Variants in HEYL observed in about 807,000 individuals in gnomAD.
HEYL encodes the protein hairy/enhancer-of-split related with YRPW motif-like protein.
In HEYL, 12 loss-of-function variants were observed where a neutral mutation model predicts 18.6. The ratio of observed to expected loss-of-function variants is 0.65; its 90% CI spans 0.41 to 1.05. HEYL has a LOEUF of 1.05. HEYL is among the 50% of genes least tolerant of loss of function. HEYL has a pLI of 0.00. For synonymous variants in HEYL, 159 were observed against 179.6 expected (o/e 0.89, Z 0.91); for missense variants, 420 against 444.7 (o/e 0.94, Z 0.50).
In HEYL at chr1:39,638,524, G is replaced by A. The variant is rs572788648; in HGVS notation, c.80+1022C>T. ...GTTCTAGAGAGTCAAGTCTAGATGA[G>A]CCAAGAGAGATGAAGTATATCCCTT... On this transcript the variant is annotated intron_variant, in intron 1 of 4. Coordinates refer to ENST00000372852, the MANE Select transcript of HEYL (RefSeq NM_014571.4). Among the ~76,000 whole-genome samples the A allele has an allele frequency of 5.0e-4, 76 of 152,340 alleles. 1 individual carries two copies. Among genetic ancestry groups the A allele is most frequent in the South Asian group, 1.4e-3 (7 of 4,828 alleles).
intron 1 of HEYL, among the ~76,000 whole-genome samples, chr1:39,635,553 A>G (rs1260294488): frequency 1.3e-5 from 2 of 152,010 alleles, no homozygotes; most frequent in East Asian, 3.9e-4. Flanking sequence ...CCCATATCTC[A>G]GAGGCAAACC....
rs1436143812 is a variant in HEYL, at chr1:39,626,747, G to T, written c.747C>A (p.Arg249=). ...SRGASSTRRA[R]PLERPATPVP... is the part of the protein sequence containing the mutation. The stretch of plus-strand genomic sequence containing the variant: ...CAGGGGTCGCTGGCCTCTCTAGGGG[G>T]CGGGCCCTCCGGGTGGAAGATGCCC... Residue 249 remains arginine (R), a synonymous_variant, in exon 5 of 5, where the codon CGC becomes CGA. Coordinates refer to ENST00000372852, the MANE Select transcript of HEYL (RefSeq NM_014571.4). 3 of 1,526,644 alleles carry T rather than the reference G, an allele frequency of 2.0e-6. No individual in the cohort carries two copies. Among genetic ancestry groups the T allele is most frequent in the African/African-American group, 2.7e-5 (2 of 73,012 alleles). 94.6% of individuals were successfully genotyped at this position (1,526,644 alleles called of 1,614,324 possible).
intron 1 of HEYL, among the ~76,000 whole-genome samples, chr1:39,637,266 T>C (rs1646366106): frequency 6.6e-6 from 1 of 152,242 alleles, no homozygotes; most frequent in Admixed American, 6.5e-5. Context: ...GTTTCACAGA[T>C]GTGGCAGGAC....
intron 4 of HEYL, 46 bp downstream of exon 4, chr1:39,630,181 A>G: frequency 6.4e-7 from 1 of 1,554,134 alleles, no homozygotes. Flanking sequence ...CCAGCCTCAA[A>G]ATATTTGTTG....
At position 39,626,623 on chromosome 1, in the gene HEYL, C is replaced by T; in HGVS notation, c.871G>A (p.Ala291Thr). The T allele has an allele frequency of 6.5e-7, 1 of 1,549,246 alleles. No homozygotes were observed. Among genetic ancestry groups the T allele is most frequent in the Non-Finnish European group, 8.7e-7 (1 of 1,149,820 alleles). Residue 291 changes from alanine (A) to threonine (T), a missense_variant, in exon 5 of 5, where the codon GCT becomes ACT. By Grantham distance (58) the Ala-to-Thr change is moderately conservative. Coordinates refer to ENST00000372852, the MANE Select transcript of HEYL (RefSeq NM_014571.4). ...TTGGGGGTGGGAACAGCCACGTAAG[C>T]AGCCGACCCTGTAGGACCAGGGGGT... ...PTPPGPTGSAAYVAVPTPNSS... is the reference protein window; with the variant it reads ...PTPPGPTGSATYVAVPTPNSS...
At position 39,626,429 on chromosome 1, in the gene HEYL, G is replaced by A. The variant is rs913033407; in HGVS notation, c.*78C>T. On this transcript the variant is annotated 3_prime_UTR_variant, in exon 5 of 5. Coordinates refer to ENST00000372852, the MANE Select transcript of HEYL (RefSeq NM_014571.4). ...ATGAGCCAGTCCATGAAGCAAAGCAGAAAAGGCAGTGCCCTTTTTTGGGCT... is the reference window on the plus strand; with the variant it reads ...ATGAGCCAGTCCATGAAGCAAAGCAAAAAAGGCAGTGCCCTTTTTTGGGCT... 1.5e-6 allele frequency: 2 copies of A among 1,324,664 alleles called. No individual in the cohort carries two copies. Among genetic ancestry groups the A allele is most frequent in the Non-Finnish European group, 2.0e-6 (2 of 988,854 alleles). 82.1% of individuals were successfully genotyped at this position (1,324,664 alleles called of 1,614,324 possible).
chr1:39,627,495 G>A (rs1428254331), intron 4 of HEYL, among the ~76,000 whole-genome samples: 1 of 152,256 alleles, frequency 6.6e-6, no homozygotes, highest in African/African-American at 2.4e-5. Context: ...TAACTTCATT[G>A]AAGTAGATAC....
chr1:39,626,900 T>C lies in HEYL; in HGVS notation c.594A>G (p.Arg198=), dbSNP rs374656603. The change falls in exon 5 of 5, where the codon AGA becomes AGG. Residue 198 remains arginine (R), a synonymous_variant. Coordinates refer to ENST00000372852, the MANE Select transcript of HEYL (RefSeq NM_014571.4). ...CACCGGGGAGGACAGGGCTGGGCAC[T>C]CTTCCCAGGATGGCGAGCTGGTTGC... The part of the protein sequence containing the change: ...ALSNQLAILG[R]VPSPVLPGVS... 6.2e-7 allele frequency: 1 copy of C among 1,608,890 alleles called. No homozygotes were observed. Among genetic ancestry groups the C allele is most frequent in the African/African-American group, 1.3e-5 (1 of 74,784 alleles).
At chr1:39,627,662 C>T (rs1209253618) in intron 4 of HEYL, among the ~76,000 whole-genome samples, 2 of 152,120 alleles carry the variant, frequency 1.3e-5, no homozygotes, top group African/African-American at 2.4e-5. Flanking sequence ...GTGAGGTCGT[C>T]GGAAGCCAGG....
At chr1:39,632,363 G>A (rs1359769236) in intron 2 of HEYL, among the ~76,000 whole-genome samples, 10 of 152,226 alleles carry the variant, frequency 6.6e-5, no homozygotes, top group Non-Finnish European at 1.5e-4. Context: ...GGCCTATTGT[G>A]TGTCTGCTAT....
chr1:39,632,476 G>C (rs1413824082), intron 2 of HEYL, among the ~76,000 whole-genome samples, 173 bp downstream of exon 2: 3 of 152,234 alleles, frequency 2.0e-5, no homozygotes, highest in Admixed American at 1.3e-4. Flanking sequence ...GGCTCAGAGA[G>C]GTTAACAGGC....
rs1278754232 is a variant in HEYL at position 39,627,178 on chromosome 1, A to G, written c.316T>C (p.Phe106Leu). The G allele has an allele frequency of 5.3e-5, 86 of 1,610,100 alleles. No individual in the cohort carries two copies. Among genetic ancestry groups the G allele is most frequent in the Non-Finnish European group, 6.6e-5 (78 of 1,177,118 alleles). ...KMLHATGGTG[F>L]FDARALAVDF... ...ACTGCCAGGGCTCGGGCATCAAAGA[A>G]TCCTGCAAAGGGAGGCGTGATGAAG... is the stretch of plus-strand genomic sequence containing the variant. The change falls in exon 5 of 5, where the codon TTC (phenylalanine) becomes CTC (leucine). Residue 106 changes from phenylalanine to leucine, a missense_variant and splice_region_variant. Coordinates refer to ENST00000372852, the MANE Select transcript of HEYL (RefSeq NM_014571.4).
intron 2 of HEYL, 149 bp downstream of exon 2, chr1:39,632,500 C>T (rs924748479): frequency 4.6e-5 from 34 of 741,816 alleles, no homozygotes; most frequent in Non-Finnish European, 6.8e-5. Context: ...CCTGGAATCA[C>T]CCTGATAGCT....
At chr1:39,631,110 A>G (rs1255775561) in intron 3 of HEYL, among the ~76,000 whole-genome samples, 2 of 152,190 alleles carry the variant, frequency 1.3e-5, no homozygotes, top group Non-Finnish European at 2.9e-5. Context: ...TCCACTTTCA[A>G]GTCACTCTAG....
intron 4 of HEYL, among the ~76,000 whole-genome samples, chr1:39,629,046 C>T (rs1646317977): frequency 6.6e-6 from 1 of 152,176 alleles, no homozygotes; most frequent in Non-Finnish European, 1.5e-5. Context: ...TGTCTAAGGT[C>T]ATACGGCTAG....
Position 39,632,734 on chromosome 1 carries a change from G to C in HEYL, c.81-19C>G, listed in dbSNP as rs938566452. Reference sequence around the variant, plus strand: ...CATCTGGCTGGAAAGGAAAAGAAAAGCTGATTTTTCAGGGCTGGGGGACAG... The same window carrying C: ...CATCTGGCTGGAAAGGAAAAGAAAACCTGATTTTTCAGGGCTGGGGGACAG... On this transcript the variant is annotated intron_variant, in intron 1 of 4. Coordinates refer to ENST00000372852, the MANE Select transcript of HEYL (RefSeq NM_014571.4). 2 of 1,613,642 alleles carry C rather than the reference G, an allele frequency of 1.2e-6. No individual in the cohort carries two copies. The highest frequency in any genetic ancestry group is 2.7e-5 in the African/African-American group (2 of 74,938).
At position 39,633,167 on chromosome 1, in the gene HEYL, C is replaced by G. The variant is rs985241742; in HGVS notation, c.81-452G>C. ...GCCGGGCGCGCCGGCCGCCCGCCCT[C>G]CGCCCCGCCTGCAGCTGCCGCCTCC... On this transcript the variant is annotated intron_variant, in intron 1 of 4. Coordinates refer to ENST00000372852, the MANE Select transcript of HEYL (RefSeq NM_014571.4). 7.1e-5 allele frequency: 69 copies of G among 970,286 alleles called. 1 individual carries two copies. In the African/African-American group the frequency reaches 1.2e-3, roughly 16 times the overall value. The allele number at this position is 970,286 out of a possible 1,614,324, so 60.1% of individuals were successfully genotyped here.
rs748851931 is a variant in HEYL, at chr1:39,626,748, C to G, written c.746G>C (p.Arg249Pro). 1.3e-6 allele frequency: 2 copies of G among 1,523,834 alleles called. No homozygotes were observed. Among genetic ancestry groups the G allele is most frequent in the South Asian group, 1.3e-5 (1 of 78,924 alleles). 94.4% of individuals were successfully genotyped at this position (1,523,834 alleles called of 1,614,324 possible). The change falls in exon 5 of 5, where the codon CGC becomes CCC. Residue 249 changes from arginine (R) to proline (P), a missense_variant. Transcript: ENST00000372852. ...AGGGGTCGCTGGCCTCTCTAGGGGGCGGGCCCTCCGGGTGGAAGATGCCCC... is the reference window on the plus strand; with the variant it reads ...AGGGGTCGCTGGCCTCTCTAGGGGGGGGGCCCTCCGGGTGGAAGATGCCCC... ...SRGASSTRRA[R>P]PLERPATPVP...
chr1:39,635,698 C>A (rs1185038957), intron 1 of HEYL, among the ~76,000 whole-genome samples: 2 of 152,326 alleles, frequency 1.3e-5, no homozygotes, highest in Non-Finnish European at 2.9e-5. Context: ...TGCTAAGGAG[C>A]AAAGCCAGCA....
Sources: gnomAD v4.1 joint callset for allele counts (sites outside exome capture counted in the v4.1 genomes callset) on GRCh38, gnomAD v4.1.1 for gene constraint, MANE v1.5 for transcripts, NCBI Gene and HGNC (gene_info 2026-07-23, HGNC 2026-07-21) for gene names.